Variants in DNAH9 observed in about 807,000 individuals in gnomAD.
DNAH9 encodes dynein axonemal heavy chain 9.
In DNAH9, 345 loss-of-function variants were observed where a neutral mutation model predicts 471.6. The ratio of observed to expected loss-of-function variants is 0.73; its 90% confidence interval spans 0.67 to 0.80. The LOEUF is 0.80. DNAH9 is among the 30% of genes least tolerant of loss of function. The probability of loss-of-function intolerance (pLI) is 0.00; values close to 1 mark genes in which losing one functional copy is unlikely to be tolerated. For missense variants in DNAH9, 5,407 were observed against 5,609.2 expected (o/e 0.96, Z 1.15); for synonymous variants, 2,093 against 2,123.6 (o/e 0.99, Z 0.40).
At chr17:11,662,451 C>A (rs2073785898) in intron 14 of DNAH9, among the ~76,000 whole-genome samples, 2 of 152,048 alleles carry the variant, frequency 1.3e-5, no homozygotes. Context: ...AATTTTCTCT[C>A]ACATAAAATA....
At chr17:11,871,898 A>AC (rs1972280003) in intron 52 of DNAH9, 112 bp downstream of exon 52, 2 of 1,145,058 alleles carry the variant, frequency 1.7e-6, no homozygotes, top group Admixed American at 4.2e-5. Flanking sequence ...CATCCCCACC[A>AC]CCCCCTGAGC....
Position 11,891,938 on chromosome 17 carries a change from C to T in DNAH9, c.11274C>T (p.Leu3758=), listed in dbSNP as rs764385815. The change falls in exon 58 of 69, where the codon CTC becomes CTT. Residue 3758 remains leucine (L), a synonymous_variant. Transcript: ENST00000262442. Reference sequence around the variant, plus strand: ...ATAAGCTGACCTACCTTGCCCAGCTCACCTTTCAGGTAAAAGTGGATTGAA... The same window carrying T: ...ATAAGCTGACCTACCTTGCCCAGCTTACCTTTCAGGTAAAAGTGGATTGAA... ...ECDKLTYLAQ[L]TFQILLMNRE... is the part of the protein sequence containing the mutation. 18 of 1,613,600 alleles carry T rather than the reference C, an allele frequency of 1.1e-5. No individual in the cohort carries two copies. In the South Asian group the frequency reaches 1.9e-4, roughly 17 times the overall value.
At position 11,679,739 on chromosome 17, in the gene DNAH9, T is replaced by G; in HGVS notation, c.3354-18T>G. ...GTAGAACGAGAATGGTTCCTCATGT[T>G]CTGTTTGTGTTGATTAGCTTGGCCA... On this transcript the variant is annotated intron_variant, in intron 17 of 68. Coordinates refer to ENST00000262442, the MANE Select transcript of DNAH9 (RefSeq NM_001372.4). The G allele has an allele frequency of 6.5e-6, 10 of 1,544,240 alleles. No individual in the cohort carries two copies. The highest frequency in any genetic ancestry group is 9.0e-6 in the Non-Finnish European group (10 of 1,116,094).
At chr17:11,738,015 A>C (rs182856738) in intron 28 of DNAH9, among the ~76,000 whole-genome samples, 3 of 152,302 alleles carry the variant, frequency 2.0e-5, no homozygotes, top group Middle Eastern at 3.4e-3. Context: ...GCAGGTAACT[A>C]TGGCATCCTC....
chr17:11,648,721 T>C (rs1412557119), intron 12 of DNAH9, among the ~76,000 whole-genome samples: 1 of 152,042 alleles, frequency 6.6e-6, no homozygotes, highest in Non-Finnish European at 1.5e-5. Flanking sequence ...TATTAATACC[T>C]AAACTATAAT....
intron 67 of DNAH9, among the ~76,000 whole-genome samples, chr17:11,953,473 G>A (rs1316334980): frequency 1.3e-5 from 2 of 152,196 alleles, no homozygotes; most frequent in African/African-American, 4.8e-5. Flanking sequence ...GACATTGGGA[G>A]TATGTCCTGT....
chr17:11,884,892 T>C (rs1972832500), intron 56 of DNAH9, among the ~76,000 whole-genome samples: 1 of 152,146 alleles, frequency 6.6e-6, no homozygotes. Flanking sequence ...GGATGCAGCA[T>C]ACTGATCTCT....
chr17:11,689,792 T>G lies in DNAH9; in HGVS notation c.3970T>G (p.Trp1324Gly), dbSNP rs1209232948. Residue 1324 changes from tryptophan to glycine, a missense_variant, in exon 20 of 69, where the codon TGG (tryptophan) becomes GGG (glycine). This residue lies in a region of DNAH9 where 4,636 missense variants were observed against 4,900.3 expected (regional missense o/e 0.95). Coordinates refer to ENST00000262442, the MANE Select transcript of DNAH9 (RefSeq NM_001372.4). The part of the protein sequence containing the change: ...SSIHAWETTP[W>G]RNINVEAMEL... ...CATCCATGCCTGGGAGACCACACCC[T>G]GGAGGAATATCAACGTGGAAGCCAT... 3.1e-6 allele frequency: 5 copies of G among 1,614,174 alleles called. No individual in the cohort carries two copies. Among genetic ancestry groups the G allele is most frequent in the Non-Finnish European group, 4.2e-6 (5 of 1,180,022 alleles).
rs770328921 is a variant in DNAH9, at chr17:11,874,244, C to CAAAAAAAAAAA, written c.10243-700_10243-690dup. 2.8e-5 allele frequency among the ~76,000 whole-genome samples: 3 copies of CAAAAAAAAAAA among 106,424 alleles called. 1 individual carries two copies. The highest frequency in any genetic ancestry group is 3.6e-5 in the African/African-American group (1 of 27,774). The allele number at this position is 106,424 out of a possible 152,430, so 69.8% of individuals were successfully genotyped here. Reference sequence around the variant, plus strand: ...TGTGTGACAGAGCAAGATTCCATCTCAAAAAAAAAAAAAAAGAACTGAGTG... The same window carrying CAAAAAAAAAAA: ...TGTGTGACAGAGCAAGATTCCATCTCAAAAAAAAAAAAAAAAAAAAAAAAAAGAACTGAGTG... On this transcript the variant is annotated intron_variant, in intron 52 of 68. Coordinates refer to ENST00000262442, the MANE Select transcript of DNAH9 (RefSeq NM_001372.4).
At chr17:11,775,753 C>T (rs111501431) in intron 38 of DNAH9, among the ~76,000 whole-genome samples, 15,779 of 151,726 alleles carry the variant, frequency 0.1, 1,073 homozygotes, top group Non-Finnish European at 0.15. Flanking sequence ...TACAGGCACC[C>T]GCCACCATGC....
chr17:11,782,526 A>T (rs1462666288), intron 39 of DNAH9, among the ~76,000 whole-genome samples: 1 of 152,062 alleles, frequency 6.6e-6, no homozygotes, highest in African/African-American at 2.4e-5. Context: ...CAAACCTTCC[A>T]CCAGCCTCTT....
Position 11,807,904 on chromosome 17 carries a change from C to G in DNAH9, c.8583+10C>G. 2 of 1,592,036 alleles carry G rather than the reference C, an allele frequency of 1.3e-6. No homozygotes were observed. Among genetic ancestry groups the G allele is most frequent in the Non-Finnish European group, 1.7e-6 (2 of 1,162,616 alleles). ...GATCCAGGACTTCAAGGTAAAAGGTCAGGCAGCTGCAGGGAGGAGGCTCAG... is the reference window on the plus strand; with the variant it reads ...GATCCAGGACTTCAAGGTAAAAGGTGAGGCAGCTGCAGGGAGGAGGCTCAG... On this transcript the variant is annotated intron_variant, in intron 44 of 68. Transcript: ENST00000262442.
chr17:11,834,308 G>A lies in DNAH9; in HGVS notation c.9247-330G>A, dbSNP rs147456622. ...CACGCCACTGAATTCCAGTCCGGGT[G>A]ACAGAGTGAGACTCCGTCTCAAAAA... is the stretch of plus-strand genomic sequence containing the variant. On this transcript the variant is annotated intron_variant, in intron 48 of 68. Coordinates refer to ENST00000262442, the MANE Select transcript of DNAH9 (RefSeq NM_001372.4). 7.6e-3 allele frequency among the ~76,000 whole-genome samples: 824 copies of A among 108,378 alleles called. 17 individuals are homozygous for A. The highest frequency in any genetic ancestry group is 0.028 in the African/African-American group (781 of 27,774). 71.1% of individuals were successfully genotyped at this position (108,378 alleles called of 152,430 possible).
chr17:11,951,922 CAAAAA>C (rs200475331), intron 67 of DNAH9, among the ~76,000 whole-genome samples: 6 of 109,234 alleles, frequency 5.5e-5, no homozygotes, highest in Admixed American at 2.0e-4. Context: ...AACTCCATCT[CAAAAA>C]AAAAAAAAAA....
At chr17:11,901,450 CTT>C (rs1231668791) in intron 59 of DNAH9, among the ~76,000 whole-genome samples, 2 of 152,174 alleles carry the variant, frequency 1.3e-5, no homozygotes, top group Non-Finnish European at 2.9e-5. Context: ...AATCCCAACT[CTT>C]TGGGAGGTCG....
chr17:11,952,680 T>C (rs936676860), intron 67 of DNAH9, among the ~76,000 whole-genome samples: 4 of 151,996 alleles, frequency 2.6e-5, no homozygotes, highest in Non-Finnish European at 4.4e-5. Context: ...CCCCTAAAGG[T>C]GAATTTCAGC....
At chr17:11,887,591 T>C (rs772445787) in intron 57 of DNAH9, among the ~76,000 whole-genome samples, 2 of 152,198 alleles carry the variant, frequency 1.3e-5, no homozygotes, top group Non-Finnish European at 2.9e-5. Flanking sequence ...AAGACCACAA[T>C]TGAAGAGGCA....
intron 17 of DNAH9, among the ~76,000 whole-genome samples, chr17:11,670,945 C>T (rs373555890): frequency 2.6e-5 from 4 of 152,124 alleles, no homozygotes; most frequent in Admixed American, 6.5e-5. Flanking sequence ...TCAGGTGATC[C>T]GGCTGCCTTG....
intron 61 of DNAH9, among the ~76,000 whole-genome samples, chr17:11,908,994 T>C (rs115080093): frequency 6.6e-6 from 1 of 152,226 alleles, no homozygotes; most frequent in African/African-American, 2.4e-5. Context: ...CTGGTCCCTG[T>C]TGGTACGATG....
Sources: gnomAD v4.1 joint callset for allele counts (sites outside exome capture counted in the v4.1 genomes callset) on GRCh38, gnomAD v4.1.1 for gene constraint, gnomAD v4.1.1 regional missense constraint, MANE v1.5 for transcripts, NCBI Gene and HGNC (gene_info 2026-07-23, HGNC 2026-07-21) for gene names.